PRKN: variants seen among roughly 807,000 people sequenced by gnomAD.
PRKN encodes E3 ubiquitin-protein ligase parkin.
In PRKN, 56 loss-of-function variants were observed where a neutral mutation model predicts 59.5. That is an observed-to-expected ratio of 0.94 (90% CI 0.76 to 1.18). PRKN has a LOEUF of 1.18. Among genes scored for constraint, PRKN ranks in the 50% most tolerant of loss-of-function variants. The pLI is 0.00. For synonymous variants in PRKN, 250 were observed against 222.1 expected (o/e 1.13, Z -1.12); for missense variants, 657 against 596.4 (o/e 1.10, Z -1.06).
At chr6:162,689,801 C>T (rs1259105246) in intron 1 of PRKN, among the ~76,000 whole-genome samples, 5 of 152,136 alleles carry the variant, frequency 3.3e-5, no homozygotes, top group Admixed American at 2.6e-4. Context: ...ATGAATCACG[C>T]AAGAGTGTAA....
chr6:162,446,105 A>G (rs1473688296), intron 1 of PRKN, among the ~76,000 whole-genome samples: 1 of 152,182 alleles, frequency 6.6e-6, no homozygotes, highest in Non-Finnish European at 1.5e-5. Context: ...GACGCCTTTG[A>G]AAATAGAGGG....
At chr6:161,638,323 T>C (rs1400749171) in intron 7 of PRKN, among the ~76,000 whole-genome samples, 1 of 152,028 alleles carries the variant, frequency 6.6e-6, no homozygotes, top group Non-Finnish European at 1.5e-5. Flanking sequence ...TCAGTAGAGA[T>C]GGGGTTTCAC....
chr6:162,674,887 A>G (rs996129005), intron 1 of PRKN, among the ~76,000 whole-genome samples: 1 of 152,204 alleles, frequency 6.6e-6, no homozygotes, highest in African/African-American at 2.4e-5. Flanking sequence ...TTGCTGAGGG[A>G]CAGTCAGAAG....
At chr6:161,860,048 T>C (rs1200029766) in intron 6 of PRKN, among the ~76,000 whole-genome samples, 1 of 152,180 alleles carries the variant, frequency 6.6e-6, no homozygotes, top group Non-Finnish European at 1.5e-5. Flanking sequence ...AATTATCATG[T>C]TGTCTTCAAG....
chr6:162,107,219 C>G (rs117774255), intron 4 of PRKN, among the ~76,000 whole-genome samples: 2,060 of 152,324 alleles, frequency 0.014, 50 homozygotes, highest in Admixed American at 0.067. Context: ...AATCCCAGCA[C>G]TTTGGGAGGC....
At chr6:161,667,522 TTTG>T (rs1439747414) in intron 7 of PRKN, among the ~76,000 whole-genome samples, 1 of 152,202 alleles carries the variant, frequency 6.6e-6, no homozygotes, top group Non-Finnish European at 1.5e-5. Flanking sequence ...ACCAGAATCT[TTTG>T]TTAATATCCT....
rs548215878 is a variant in PRKN at position 162,272,999 on chromosome 6, GAAAAAA to G, written c.172-10240_172-10235del. ...TGGGTGACAGAGTAAGCCTGTGTCT[GAAAAAA>G]AAAAAAAAAAAAAAGGAAAAAAAAT... On this transcript the variant is annotated intron_variant, in intron 2 of 11. Transcript: ENST00000366898. Among the ~76,000 whole-genome samples the G allele has an allele frequency of 1.8e-4, 10 of 55,006 alleles. 1 individual carries two copies. The Admixed American group carries it at 2.3e-3, about 13-fold the overall frequency. 36.1% of individuals were successfully genotyped at this position (55,006 alleles called of 152,430 possible). A position where few individuals can be genotyped will look rare whatever the true frequency, so the allele number is the denominator to read the frequency against.
At chr6:161,636,859 G>A (rs1326640744) in intron 7 of PRKN, among the ~76,000 whole-genome samples, 1 of 152,160 alleles carries the variant, frequency 6.6e-6, no homozygotes. Context: ...GCAGGAGGAG[G>A]GATGACCGGC....
chr6:161,677,993 G>A (rs1429925016), intron 7 of PRKN, among the ~76,000 whole-genome samples: 4 of 152,134 alleles, frequency 2.6e-5, no homozygotes, highest in Non-Finnish European at 4.4e-5. Context: ...TTTGTAAATA[G>A]TCAAGGATGA....
chr6:162,239,346 T>C (rs929049595), intron 3 of PRKN, among the ~76,000 whole-genome samples: 3 of 152,196 alleles, frequency 2.0e-5, no homozygotes, highest in Admixed American at 2.0e-4. Flanking sequence ...ATTTTATAGA[T>C]TCCTACAAAC....
chr6:161,395,523 G>C lies in PRKN; in HGVS notation c.1084-8646C>G, dbSNP rs530095671. On this transcript the variant is annotated intron_variant, in intron 9 of 11. Coordinates refer to ENST00000366898, the MANE Select transcript of PRKN (RefSeq NM_004562.3). This position sits in a 1 kb window ranked among gnomAD's most constrained non-coding sequence, Gnocchi z 5.0. ...GAAATAGCTGGGTCCAAGGGCATAT[G>C]GACTTTCCATTTTGATTGCTTTCGC... is the stretch of plus-strand genomic sequence containing the variant. 3.9e-5 allele frequency among the ~76,000 whole-genome samples: 6 copies of C among 152,264 alleles called. No individual in the cohort carries two copies. The highest frequency in any genetic ancestry group is 8.8e-5 in the Non-Finnish European group (6 of 68,024).
chr6:161,722,355 A>C (rs757728131), intron 7 of PRKN, among the ~76,000 whole-genome samples: 2 of 152,138 alleles, frequency 1.3e-5, no homozygotes, highest in Non-Finnish European at 2.9e-5. Flanking sequence ...CATATTAGTA[A>C]ATACTTATCT....
intron 5 of PRKN, among the ~76,000 whole-genome samples, chr6:162,015,165 G>T (rs1228344258): frequency 6.6e-6 from 1 of 152,122 alleles, no homozygotes; most frequent in Admixed American, 6.5e-5. Flanking sequence ...AAGTGGTGGG[G>T]AAGGTTTCTT....
rs112852423 is a variant in PRKN at position 161,472,918 on chromosome 6, C to T, written c.1083+75936G>A. On this transcript the variant is annotated intron_variant, in intron 9 of 11. Coordinates refer to ENST00000366898, the MANE Select transcript of PRKN (RefSeq NM_004562.3). Reference sequence around the variant, plus strand: ...ACGAAAAGGTAATCAACATCTCTGACCATCAGGGACAGGCAAATGAAAACC... The same window carrying T: ...ACGAAAAGGTAATCAACATCTCTGATCATCAGGGACAGGCAAATGAAAACC... 4.5e-3 allele frequency among the ~76,000 whole-genome samples: 685 copies of T among 152,198 alleles called. 3 individuals carry two copies. The highest frequency in any genetic ancestry group is 0.015 in the African/African-American group (638 of 41,532).
intron 2 of PRKN, among the ~76,000 whole-genome samples, chr6:162,276,772 T>G (rs1204878721): frequency 6.6e-6 from 1 of 151,954 alleles, no homozygotes; most frequent in Non-Finnish European, 1.5e-5. Context: ...GTTATATACT[T>G]TTTTCGCTTA....
In PRKN at chr6:161,354,561, G is replaced by C. The variant is rs1239141838; in HGVS notation, c.1286-4350C>G. Among the ~76,000 whole-genome samples the C allele has an allele frequency of 2.6e-5, 4 of 152,136 alleles. No individual in the cohort carries two copies. The highest frequency in any genetic ancestry group is 5.9e-5 in the Non-Finnish European group (4 of 68,034). On this transcript the variant is annotated intron_variant, in intron 11 of 11. Transcript: ENST00000366898. This position sits in a 1 kb window ranked among gnomAD's most constrained non-coding sequence, Gnocchi z 6.7. ...GGAAGTGAAGAAATTTCTGGAGACT[G>C]GAGTGGATTATAGGAGAAAGTACCA...
intron 2 of PRKN, among the ~76,000 whole-genome samples, chr6:162,415,847 A>G (rs1019344170): frequency 6.6e-6 from 1 of 152,190 alleles, no homozygotes; most frequent in Non-Finnish European, 1.5e-5. Context: ...ATTTAAATAA[A>G]GAAATGTATT....
At chr6:162,563,317 C>CA (rs55881751) in intron 1 of PRKN, among the ~76,000 whole-genome samples, 15,636 of 145,394 alleles carry the variant, frequency 0.11, 882 homozygotes, top group South Asian at 0.18. Context: ...AAACAAAAAA[C>CA]AAAAAAAAAA....
intron 6 of PRKN, among the ~76,000 whole-genome samples, chr6:161,918,179 A>C (rs1184570455): frequency 6.6e-6 from 1 of 152,182 alleles, no homozygotes; most frequent in East Asian, 1.9e-4. Flanking sequence ...ACAACAGTAC[A>C]TTGTGACCTG....
Sources: allele counts gnomAD v4.1 joint callset (sites outside exome capture counted in the v4.1 genomes callset), GRCh38; gene constraint gnomAD v4.1.1; non-coding constraint Gnocchi (gnomAD v3.1); transcripts MANE v1.5; gene names NCBI Gene and HGNC (gene_info 2026-07-23, HGNC 2026-07-21).